LINGO2: variants seen among roughly 807,000 people sequenced by gnomAD.
The protein encoded by LINGO2 is leucine-rich repeat and immunoglobulin-like domain-containing nogo receptor-interacting protein 2.
LINGO2 carries 14 observed loss-of-function variants against 30.6 expected under a neutral mutation model. The ratio of observed to expected loss-of-function variants is 0.46; its 90% CI spans 0.30 to 0.72. The LOEUF (loss-of-function observed/expected upper bound fraction) is 0.72. Among genes scored for constraint, LINGO2 ranks in the 30% least tolerant of loss-of-function variants. LINGO2 has a pLI of 0.07. For missense variants in LINGO2, 729 were observed against 751.7 expected (o/e 0.97, Z 0.35); for synonymous variants, 317 against 288.5 (o/e 1.10, Z -1.00).
intron 3 of LINGO2, among the ~76,000 whole-genome samples, chr9:28,323,156 A>G (rs956118708): frequency 6.6e-6 from 1 of 152,228 alleles, no homozygotes; most frequent in Non-Finnish European, 1.5e-5. Flanking sequence ...AATATGTTAT[A>G]TATGCACAGA....
chr9:28,826,407 A>C, the LINGO2 span, among the ~76,000 whole-genome samples: 1 of 152,044 alleles, frequency 6.6e-6, no homozygotes, highest in Non-Finnish European at 1.5e-5. Context: ...AGTCACCGCC[A>C]CTCTGCTTCA....
chr9:27,938,804 A>C, the LINGO2 span: 1 of 152,194 alleles, frequency 6.6e-6, no homozygotes, highest in Non-Finnish European at 1.5e-5. Context: ...TTACTATGAT[A>C]ATGGATACTC....
At chr9:28,998,667 T>C in the LINGO2 span, among the ~76,000 whole-genome samples, 28 of 152,078 alleles carry the variant, frequency 1.8e-4, no homozygotes, top group African/African-American at 4.6e-4. Flanking sequence ...AGGTTAAGGA[T>C]TGCAGGCAGA....
chr9:28,396,183 G>T (rs1363366978), intron 2 of LINGO2, among the ~76,000 whole-genome samples: 1 of 152,038 alleles, frequency 6.6e-6, no homozygotes, highest in Non-Finnish European at 1.5e-5. Context: ...AAATTACCAG[G>T]TGCCAGGTGC....
At chr9:29,034,477 C>G in the LINGO2 span, among the ~76,000 whole-genome samples, 1 of 152,108 alleles carries the variant, frequency 6.6e-6, no homozygotes, top group Non-Finnish European at 1.5e-5. Flanking sequence ...TTGCAAAGCA[C>G]AGCTTAAAGA....
chr9:29,066,562 C>A, the LINGO2 span, among the ~76,000 whole-genome samples: 1 of 151,866 alleles, frequency 6.6e-6, no homozygotes, highest in African/African-American at 2.4e-5. Context: ...ATCAGAAAGA[C>A]ATTCAACATT....
At chr9:28,439,175 G>A (rs959747661) in intron 2 of LINGO2, among the ~76,000 whole-genome samples, 5 of 148,206 alleles carry the variant, frequency 3.4e-5, no homozygotes, top group African/African-American at 1.2e-4. Context: ...ACACATTATA[G>A]ATAATGAAAT....
At chr9:28,047,607 T>TAC (rs1174895033) in intron 4 of LINGO2, among the ~76,000 whole-genome samples, 1 of 150,818 alleles carries the variant, frequency 6.6e-6, no homozygotes, top group African/African-American at 2.5e-5. Flanking sequence ...ATGATCAATC[T>TAC]ACACCTCAGC....
the LINGO2 span, among the ~76,000 whole-genome samples, chr9:29,212,749 C>G: frequency 3.3e-5 from 5 of 152,176 alleles, no homozygotes; most frequent in Admixed American, 3.3e-4. Context: ...CTTCCTGCCT[C>G]GCAGCTGGGC....
intron 1 of LINGO2, among the ~76,000 whole-genome samples, chr9:28,578,066 T>C (rs1418155840): frequency 6.6e-6 from 1 of 152,096 alleles, no homozygotes; most frequent in Non-Finnish European, 1.5e-5. Context: ...TGGGGCAGAG[T>C]ACATTCAGAA....
the LINGO2 span, among the ~76,000 whole-genome samples, chr9:29,065,385 A>C: frequency 6.6e-6 from 1 of 152,202 alleles, no homozygotes; most frequent in South Asian, 2.1e-4. Flanking sequence ...GTTATCTTCC[A>C]GAGTTTTATA....
At chr9:28,350,496 A>G (rs950966944) in intron 3 of LINGO2, among the ~76,000 whole-genome samples, 4 of 148,704 alleles carry the variant, frequency 2.7e-5, no homozygotes, top group African/African-American at 9.9e-5. Context: ...CAAGATTCAT[A>G]AAGCGAGTCC....
At chr9:28,828,898 A>C in the LINGO2 span, among the ~76,000 whole-genome samples, 1 of 152,172 alleles carries the variant, frequency 6.6e-6, no homozygotes, top group Admixed American at 6.5e-5. Context: ...ACAGGGACAG[A>C]AGGCAGGGAA....
chr9:28,059,983 G>T (rs1563951347), intron 4 of LINGO2, among the ~76,000 whole-genome samples: 1 of 151,970 alleles, frequency 6.6e-6, no homozygotes, highest in Admixed American at 6.6e-5. Context: ...GACTATCAAA[G>T]ATTCACTGAT....
intron 2 of LINGO2, among the ~76,000 whole-genome samples, chr9:28,433,074 CT>C (rs1823745755): frequency 6.6e-6 from 1 of 152,062 alleles, no homozygotes; most frequent in African/African-American, 2.4e-5. Flanking sequence ...TTAATTGTTA[CT>C]TTTTAGCATT....
At chr9:28,591,296 C>T (rs1233724607) in intron 1 of LINGO2, among the ~76,000 whole-genome samples, 1 of 151,950 alleles carries the variant, frequency 6.6e-6, no homozygotes, top group African/African-American at 2.4e-5. Flanking sequence ...TACCCTAAAA[C>T]TTAAAGTATA....
the LINGO2 span, among the ~76,000 whole-genome samples, chr9:28,886,548 AT>A: frequency 6.6e-6 from 1 of 152,108 alleles, no homozygotes; most frequent in Non-Finnish European, 1.5e-5. Context: ...GGGCCACTGG[AT>A]TTTTGCACAA....
chr9:29,132,175 T>C, the LINGO2 span, among the ~76,000 whole-genome samples: 1 of 151,852 alleles, frequency 6.6e-6, no homozygotes, highest in Admixed American at 6.6e-5. Context: ...TCTGTCCCTC[T>C]GCCTCCCATA....
At chr9:27,973,471 G>A (rs12337020) in intron 5 of LINGO2, among the ~76,000 whole-genome samples, 2,911 of 152,192 alleles carry the variant, frequency 0.019, 98 homozygotes, top group African/African-American at 0.066. Context: ...AGGAATTCAC[G>A]CCTCAAAGGA....
Sources: gnomAD v4.1 joint callset for allele counts (sites outside exome capture counted in the v4.1 genomes callset) on GRCh38, gnomAD v4.1.1 for gene constraint, MANE v1.5 for transcripts, NCBI Gene and HGNC (gene_info 2026-07-23, HGNC 2026-07-21) for gene names.